The following PPFIA2 variants were observed in gnomAD, a reference collection of about 807,000 sequenced individuals.
PPFIA2 encodes PPFI scaffold protein A2, also known as liprin-alpha-2.
PPFIA2 carries 46 observed loss-of-function variants against 175.5 expected under a neutral mutation model. The observed-to-expected ratio is 0.26, with a 90% CI of 0.21 to 0.34. The LOEUF (loss-of-function observed/expected upper bound fraction) is 0.34, where lower values mean the gene tolerates loss of function less well. Among genes scored for constraint, PPFIA2 ranks in the 10% least tolerant of loss-of-function variants. The pLI, the probability that PPFIA2 is intolerant of heterozygous loss-of-function variation, is 1.00. For missense variants in PPFIA2, 1,179 were observed against 1,506.1 expected, an observed-to-expected ratio of 0.78 and a Z score of 3.60; for synonymous variants, 568 against 511.4, an observed-to-expected ratio of 1.11 and a Z score of -1.49.
At chr12:81,276,895 A>C (rs1352299022) in intron 28 of PPFIA2, among the ~76,000 whole-genome samples, 2 of 152,174 alleles carry the variant, frequency 1.3e-5, no homozygotes, top group African/African-American at 2.4e-5. Flanking sequence ...GTGTTACAAA[A>C]ATAAAATTGC....
intron 7 of PPFIA2, among the ~76,000 whole-genome samples, chr12:81,422,673 A>G (rs1030342872): frequency 1.1e-4 from 16 of 152,174 alleles, no homozygotes; most frequent in African/African-American, 3.9e-4. Context: ...CTTATTCACT[A>G]TCACAAGAAC....
chr12:81,343,287 C>T (rs578139491), intron 19 of PPFIA2, among the ~76,000 whole-genome samples: 14 of 152,054 alleles, frequency 9.2e-5, no homozygotes, highest in African/African-American at 3.1e-4. Context: ...ACTACATTTT[C>T]GTATAGAACC....
At chr12:81,649,457 T>C (rs1189266531) in intron 4 of PPFIA2, among the ~76,000 whole-genome samples, 3 of 152,180 alleles carry the variant, frequency 2.0e-5, no homozygotes, top group South Asian at 2.1e-4. Context: ...TCTCATACAT[T>C]ATTGTTGATG....
intron 4 of PPFIA2, among the ~76,000 whole-genome samples, chr12:81,580,346 T>C (rs1335129303): frequency 6.6e-6 from 1 of 151,716 alleles, no homozygotes; most frequent in Non-Finnish European, 1.5e-5. Context: ...AAAGAATGAT[T>C]AACACTCAGC....
intron 3 of PPFIA2, among the ~76,000 whole-genome samples, chr12:81,733,266 G>A (rs979147802): frequency 7.9e-5 from 12 of 151,504 alleles, no homozygotes; most frequent in Non-Finnish European, 1.6e-4. Context: ...CGCATCAAGT[G>A]TTTAATCCTT....
intron 11 of PPFIA2, among the ~76,000 whole-genome samples, chr12:81,374,064 GA>G (rs2035814210): frequency 6.6e-6 from 1 of 151,948 alleles, no homozygotes; most frequent in South Asian, 2.1e-4. Context: ...GATAGTTGCA[GA>G]ATCTACTGGC....
At position 81,260,281 on chromosome 12, in the gene PPFIA2, G is replaced by A. The variant is rs1368218871; in HGVS notation, c.*34-621C>T. 2.6e-5 allele frequency: 4 copies of A among 152,138 alleles called. No individual in the cohort carries two copies. In the East Asian group the frequency reaches 7.7e-4, roughly 29 times the overall value. 9.4% of individuals were successfully genotyped at this position (152,138 alleles called of 1,614,324 possible). ...TGTCCTAGATTGAATTATTGTAAAT[G>A]AATACTGTTATCCCAATTAATGGTA... On this transcript the variant is annotated intron_variant, in intron 32 of 32. Coordinates refer to ENST00000549396, the MANE Select transcript of PPFIA2 (RefSeq NM_003625.5).
rs1466410082 is a variant in PPFIA2, at chr12:81,754,035, G to A, written c.187C>T (p.Leu63Phe). 6.2e-7 allele frequency: 1 copy of A among 1,613,892 alleles called. No individual in the cohort carries two copies. Among genetic ancestry groups the A allele is most frequent in the Non-Finnish European group, 8.5e-7 (1 of 1,179,858 alleles). The change falls in exon 3 of 33, where the codon CTT becomes TTT. Residue 63 changes from leucine (L) to phenylalanine (F), a missense_variant. Transcript: ENST00000549396. Reference protein sequence around the residue: ...QESLSLAQQRLQDVIYDRDSL... With the variant: ...QESLSLAQQRFQDVIYDRDSL... ...TCTCGGTCATAGATGACATCCTGAA[G>A]TCTTTGCTGGGCAAGTGAGAGGCTT...
At chr12:81,314,283 T>G (rs1430158694) in intron 22 of PPFIA2, among the ~76,000 whole-genome samples, 1 of 151,918 alleles carries the variant, frequency 6.6e-6, no homozygotes, top group African/African-American at 2.4e-5. Context: ...TTTCTTATTG[T>G]AAATATTGAT....
chr12:81,642,776 G>GTATA lies in PPFIA2; in HGVS notation c.303+34014_303+34015insTATA, dbSNP rs2065406958. Among the ~76,000 whole-genome samples, 10 of 5,876 alleles carry GTATA rather than the reference G, an allele frequency of 1.7e-3. 4 individuals carry two copies. Among genetic ancestry groups the GTATA allele is most frequent in the East Asian group, 8.0e-3 (2 of 250 alleles). The allele number at this position is 5,876 out of a possible 152,430, so 3.9% of individuals were successfully genotyped here. A position where few individuals can be genotyped will look rare whatever the true frequency, so the allele number is the denominator to read the frequency against. ...TATACATACATGTATATGTATGTAT[G>GTATA]TATTATATACATACATGTATATGTA... On this transcript the variant is annotated intron_variant, in intron 4 of 32. Transcript: ENST00000549396.
intron 4 of PPFIA2, among the ~76,000 whole-genome samples, chr12:81,465,722 C>T (rs184776035): frequency 1.7e-3 from 265 of 151,898 alleles, no homozygotes; most frequent in Non-Finnish European, 1.9e-3. Flanking sequence ...TTTCTAGAAC[C>T]GATTAATAAC....
chr12:81,490,446 G>A (rs577644350), intron 4 of PPFIA2, among the ~76,000 whole-genome samples: 1 of 151,950 alleles, frequency 6.6e-6, no homozygotes, highest in South Asian at 2.1e-4. Context: ...CACCACGAAT[G>A]TTTCTAAATG....
chr12:81,402,415 T>C (rs2042240288), intron 8 of PPFIA2, among the ~76,000 whole-genome samples: 1 of 152,194 alleles, frequency 6.6e-6, no homozygotes, highest in Admixed American at 6.6e-5. Context: ...TAATATACCT[T>C]GAATAATCAT....
At chr12:81,362,649 T>C (rs769620315) in intron 15 of PPFIA2, 44 bp downstream of exon 15, 3 of 1,320,184 alleles carry the variant, frequency 2.3e-6, no homozygotes, top group South Asian at 2.6e-5. Context: ...GGAATTCATG[T>C]TGATTTTCAG....
At chr12:81,733,803 T>G (rs1370479704) in intron 3 of PPFIA2, among the ~76,000 whole-genome samples, 1 of 151,752 alleles carries the variant, frequency 6.6e-6, no homozygotes, top group East Asian at 1.9e-4. Flanking sequence ...TCACCTCAAA[T>G]AAGCTAAGCA....
chr12:81,550,875 A>G (rs2067805705), intron 4 of PPFIA2, among the ~76,000 whole-genome samples: 1 of 151,928 alleles, frequency 6.6e-6, no homozygotes, highest in South Asian at 2.1e-4. Flanking sequence ...AGATGGGAAG[A>G]GGTCTCAGAA....
At chr12:81,619,798 A>C (rs555020236) in intron 4 of PPFIA2, among the ~76,000 whole-genome samples, 18 of 152,352 alleles carry the variant, frequency 1.2e-4, no homozygotes, top group Admixed American at 3.3e-4. Context: ...GCAAAGGTTT[A>C]ATATTCACGA....
chr12:81,450,298 C>G (rs1305920493), intron 5 of PPFIA2, among the ~76,000 whole-genome samples: 1 of 152,144 alleles, frequency 6.6e-6, no homozygotes, highest in Non-Finnish European at 1.5e-5. Flanking sequence ...CTCTCCAGCA[C>G]CTGTTGTTTC....
At chr12:81,611,442 C>A (rs758350974) in intron 4 of PPFIA2, among the ~76,000 whole-genome samples, 2 of 152,100 alleles carry the variant, frequency 1.3e-5, no homozygotes, top group Non-Finnish European at 2.9e-5. Context: ...ACCAGGACAT[C>A]CGTGGTTCAT....
Sources: allele counts gnomAD v4.1 joint callset (sites outside exome capture counted in the v4.1 genomes callset), GRCh38; gene constraint gnomAD v4.1.1; transcripts MANE v1.5; gene names NCBI Gene and HGNC (gene_info 2026-07-23, HGNC 2026-07-21).